The following HPSE2 variants were observed in gnomAD, a reference collection of about 807,000 sequenced individuals.
HPSE2 encodes inactive heparanase-2.
In HPSE2, 38 loss-of-function variants were observed where a neutral mutation model predicts 60.5. That is an observed-to-expected ratio of 0.63 (90% CI 0.48 to 0.82). The LOEUF is 0.82. Among genes scored for constraint, HPSE2 ranks in the 40% least tolerant of loss-of-function variants. The pLI is 0.00. For missense variants in HPSE2, 713 were observed against 740.4 expected (o/e 0.96, Z 0.43); for synonymous variants, 295 against 293.2 (o/e 1.01, Z -0.06).
At chr10:99,095,765 T>C (rs929580635) in intron 3 of HPSE2, among the ~76,000 whole-genome samples, 10 of 152,254 alleles carry the variant, frequency 6.6e-5, no homozygotes, top group African/African-American at 1.4e-4. Context: ...TGTATGGATA[T>C]ATCACATTTT....
At chr10:99,244,103 A>G in the HPSE2 span, among the ~76,000 whole-genome samples, 6 of 151,854 alleles carry the variant, frequency 4.0e-5, no homozygotes, top group Non-Finnish European at 5.9e-5. Context: ...GCGGGACTGC[A>G]GTGGTGCTAT....
At chr10:98,547,325 A>AT (rs1943715702) in intron 9 of HPSE2, among the ~76,000 whole-genome samples, 1 of 145,472 alleles carries the variant, frequency 6.9e-6, no homozygotes, top group South Asian at 2.3e-4. Context: ...AAAGGACTAT[A>AT]AATCATGCTG....
chr10:99,281,009 TG>T, the HPSE2 span, among the ~76,000 whole-genome samples: 1 of 152,106 alleles, frequency 6.6e-6, no homozygotes, highest in Non-Finnish European at 1.5e-5. Flanking sequence ...CAAATCTCAT[TG>T]TAAAATTATG....
rs113847149 is a variant in HPSE2, at chr10:99,223,041, C to T, written c.448+9307G>A. On this transcript the variant is annotated intron_variant, in intron 2 of 11. Coordinates refer to ENST00000370552, the MANE Select transcript of HPSE2 (RefSeq NM_021828.5). ...CCCTCTCTTACCTAAGCACAATACA[C>T]GACTGGGATCTAATCCTGGTTCTAC... Among the ~76,000 whole-genome samples, 293 of 152,218 alleles carry T rather than the reference C, an allele frequency of 1.9e-3. 2 individuals carry two copies. Among genetic ancestry groups the T allele is most frequent in the African/African-American group, 6.9e-3 (285 of 41,548 alleles).
At chr10:99,309,707 A>T in the HPSE2 span, among the ~76,000 whole-genome samples, 1 of 152,226 alleles carries the variant, frequency 6.6e-6, no homozygotes, top group Non-Finnish European at 1.5e-5. Context: ...AAAGCCTAAA[A>T]TATCTATTAT....
At chr10:99,180,437 G>A (rs1260030576) in intron 2 of HPSE2, among the ~76,000 whole-genome samples, 2 of 152,098 alleles carry the variant, frequency 1.3e-5, no homozygotes, top group Non-Finnish European at 2.9e-5. Context: ...TCAAACAGTG[G>A]GTGAAGGATA....
intron 9 of HPSE2, among the ~76,000 whole-genome samples, chr10:98,561,365 A>G (rs2133874722): frequency 6.6e-6 from 1 of 152,266 alleles, no homozygotes; most frequent in Admixed American, 6.5e-5. Flanking sequence ...GTTTTTAACA[A>G]TAAACTTCAA....
At chr10:99,027,179 A>T (rs900066375) in intron 3 of HPSE2, among the ~76,000 whole-genome samples, 38 of 152,008 alleles carry the variant, frequency 2.5e-4, no homozygotes, top group African/African-American at 9.2e-4. Flanking sequence ...TGAAACCAAA[A>T]GTTGTTTTTT....
At chr10:98,522,905 C>A (rs1942844901) in intron 9 of HPSE2, among the ~76,000 whole-genome samples, 1 of 152,204 alleles carries the variant, frequency 6.6e-6, no homozygotes, top group South Asian at 2.1e-4. Flanking sequence ...TGGTAACTAA[C>A]TGGCAAGCCC....
intron 9 of HPSE2, among the ~76,000 whole-genome samples, chr10:98,552,553 T>C (rs555251828): frequency 1.3e-5 from 2 of 152,254 alleles, no homozygotes; most frequent in South Asian, 4.1e-4. Context: ...GGACCTACAG[T>C]ATATAAAAAA....
At chr10:99,132,241 GAGAA>G (rs1162292360) in intron 3 of HPSE2, among the ~76,000 whole-genome samples, 9 of 28,972 alleles carry the variant, frequency 3.1e-4, no homozygotes, top group African/African-American at 8.6e-4. Flanking sequence ...GAGAGAGAGA[GAGAA>G]AGAAAGAAAG....
intron 9 of HPSE2, among the ~76,000 whole-genome samples, chr10:98,558,592 T>C (rs1944081983): frequency 6.6e-6 from 1 of 152,222 alleles, no homozygotes; most frequent in Non-Finnish European, 1.5e-5. Context: ...TAGTGGTTAC[T>C]ATTCAGACAG....
chr10:99,293,803 A>G, the HPSE2 span, among the ~76,000 whole-genome samples: 1 of 152,222 alleles, frequency 6.6e-6, no homozygotes, highest in Admixed American at 6.5e-5. Flanking sequence ...AGTCAATTAC[A>G]AGAGACAGAA....
chr10:98,760,467 T>A (rs529623717), intron 3 of HPSE2, among the ~76,000 whole-genome samples: 1 of 152,212 alleles, frequency 6.6e-6, no homozygotes, highest in South Asian at 2.1e-4. Context: ...TATGTTGAGA[T>A]ACATTCTTTG....
intron 3 of HPSE2, among the ~76,000 whole-genome samples, chr10:99,000,600 T>A (rs776731393): frequency 3.7e-4 from 57 of 152,062 alleles, no homozygotes; most frequent in Non-Finnish European, 7.7e-4. Flanking sequence ...CTATTTGATT[T>A]GACAATTAGG....
chr10:99,160,226 A>G (rs1191573935), intron 2 of HPSE2, among the ~76,000 whole-genome samples: 1 of 152,076 alleles, frequency 6.6e-6, no homozygotes, highest in Non-Finnish European at 1.5e-5. Flanking sequence ...AATGTTTTAC[A>G]CCTTGATAAA....
chr10:98,477,467 C>T (rs1225647886), intron 11 of HPSE2, among the ~76,000 whole-genome samples: 1 of 152,162 alleles, frequency 6.6e-6, no homozygotes, highest in Non-Finnish European at 1.5e-5. Context: ...TCCGCTTGTT[C>T]CCTCAGGTCA....
intron 3 of HPSE2, among the ~76,000 whole-genome samples, chr10:98,872,272 C>T (rs941001338): frequency 2.0e-5 from 3 of 152,066 alleles, no homozygotes; most frequent in African/African-American, 4.8e-5. Context: ...TACTCTGTCT[C>T]CAGCCCTAAT....
At chr10:98,655,124 T>C (rs1238612745) in intron 6 of HPSE2, among the ~76,000 whole-genome samples, 1 of 152,218 alleles carries the variant, frequency 6.6e-6, no homozygotes, top group Non-Finnish European at 1.5e-5. Context: ...TTCACCTTTT[T>C]TTCCCAGTAG....
Sources: gnomAD v4.1 joint callset for allele counts (sites outside exome capture counted in the v4.1 genomes callset) on GRCh38, gnomAD v4.1.1 for gene constraint, MANE v1.5 for transcripts, NCBI Gene and HGNC (gene_info 2026-07-23, HGNC 2026-07-21) for gene names.